Variants in HEATR5A observed in about 807,000 individuals in gnomAD.
HEATR5A encodes HEAT repeat-containing protein 5A.
HEATR5A carries 178 observed loss-of-function variants against 218.8 expected under a neutral mutation model. The observed-to-expected ratio is 0.81, with a 90% CI of 0.72 to 0.92. The LOEUF is 0.92. HEATR5A is among the 40% of genes least tolerant of loss of function. The probability of loss-of-function intolerance (pLI) is 0.00; values close to 1 mark genes in which losing one functional copy is unlikely to be tolerated. For synonymous variants in HEATR5A, 864 were observed against 871.6 expected, an observed-to-expected ratio of 0.99 and a Z score of 0.15; for missense variants, 2,420 against 2,418.9, an observed-to-expected ratio of 1.00 and a Z score of -0.01.
chr14:31,412,097 C>G (rs2031294466), intron 1 of HEATR5A, among the ~76,000 whole-genome samples: 3 of 152,068 alleles, frequency 2.0e-5, no homozygotes, highest in Non-Finnish European at 4.4e-5. Context: ...CTCAAGTGAT[C>G]TGCCCGTCTT....
Position 31,358,908 on chromosome 14 carries a change from A to C in HEATR5A, c.2221T>G (p.Phe741Val), listed in dbSNP as rs771503853. Residue 741 changes from phenylalanine to valine, a missense_variant, in exon 15 of 36, where the codon TTT (phenylalanine) becomes GTT (valine). Transcript: ENST00000543095. The stretch of plus-strand genomic sequence containing the variant: ...AATGGCCATACCTGTTCTTCAATAA[A>C]TCTATGGTCAGTCTCTTGTAGGAAA... ...SPFLQETDHR[F>V]IEEQLLLGNG... 75 of 1,596,076 alleles carry C rather than the reference A, an allele frequency of 4.7e-5. No individual in the cohort carries two copies. The highest frequency in any genetic ancestry group is 2.2e-4 in the Admixed American group (12 of 54,344).
intron 4 of HEATR5A, among the ~76,000 whole-genome samples, chr14:31,396,216 A>C (rs1322506883): frequency 6.6e-6 from 1 of 152,032 alleles, no homozygotes; most frequent in Non-Finnish European, 1.5e-5. Context: ...TTTAGTCAGG[A>C]GTGTTAGTGC....
At chr14:31,317,511 G>A (rs1007996415) in intron 26 of HEATR5A, among the ~76,000 whole-genome samples, 2 of 151,920 alleles carry the variant, frequency 1.3e-5, no homozygotes. Flanking sequence ...GGCCAGGCTG[G>A]TCTCTAACTC....
At chr14:31,415,031 G>T (rs1455739414) in intron 1 of HEATR5A, among the ~76,000 whole-genome samples, 5 of 152,060 alleles carry the variant, frequency 3.3e-5, no homozygotes, top group African/African-American at 1.2e-4. Flanking sequence ...GTAGAGACAG[G>T]GTTTCACCAT....
intron 10 of HEATR5A, among the ~76,000 whole-genome samples, chr14:31,382,812 A>G (rs1014474872): frequency 3.3e-5 from 5 of 150,180 alleles, no homozygotes; most frequent in Non-Finnish European, 7.4e-5. Context: ...GTCATTATTA[A>G]TTTTGATGTA....
At chr14:31,359,182 T>C (rs1485287626) in intron 14 of HEATR5A, 125 bp from the exon 15 acceptor site, 2 of 889,376 alleles carry the variant, frequency 2.2e-6, no homozygotes, top group African/African-American at 3.4e-5. Context: ...GCCAAAAGAC[T>C]GTATTTCTCA....
intron 9 of HEATR5A, 90 bp from the exon 10 acceptor site, chr14:31,383,861 T>C: frequency 1.1e-6 from 1 of 940,848 alleles, no homozygotes; most frequent in Non-Finnish European, 1.5e-6. Flanking sequence ...CACATGGATA[T>C]AAAATATATT....
At chr14:31,348,296 C>G (rs937493693) in intron 18 of HEATR5A, among the ~76,000 whole-genome samples, 6 of 152,084 alleles carry the variant, frequency 3.9e-5, no homozygotes, top group Non-Finnish European at 1.5e-5. Context: ...ATTAAATAGG[C>G]TAGGTGTGGT....
At chr14:31,415,905 AAAC>A (rs750246015) in intron 1 of HEATR5A, among the ~76,000 whole-genome samples, 2 of 152,136 alleles carry the variant, frequency 1.3e-5, no homozygotes, top group Non-Finnish European at 2.9e-5. Context: ...TACACACATA[AAAC>A]AACAATTTAG....
At chr14:31,331,112 TG>T (rs1222935996) in intron 22 of HEATR5A, among the ~76,000 whole-genome samples, 1 of 151,812 alleles carries the variant, frequency 6.6e-6, no homozygotes, top group Non-Finnish European at 1.5e-5. Flanking sequence ...GGCTAAGTTT[TG>T]TATTTTTAGT....
At chr14:31,375,958 C>T (rs1167890409) in intron 11 of HEATR5A, among the ~76,000 whole-genome samples, 2 of 152,156 alleles carry the variant, frequency 1.3e-5, no homozygotes, top group African/African-American at 2.4e-5. Flanking sequence ...TTAAACTTCT[C>T]CAGTAAGCGC....
intron 33 of HEATR5A, among the ~76,000 whole-genome samples, chr14:31,299,472 C>T (rs1899295135): frequency 6.6e-6 from 1 of 152,194 alleles, no homozygotes; most frequent in Non-Finnish European, 1.5e-5. Flanking sequence ...GTAATCCCAG[C>T]ACTTTGGGAG....
At chr14:31,301,983 C>A (rs1566746056) in intron 33 of HEATR5A, among the ~76,000 whole-genome samples, 1 of 151,322 alleles carries the variant, frequency 6.6e-6, no homozygotes, top group East Asian at 2.0e-4. Flanking sequence ...TAGGTATGTG[C>A]CACCAGAATC....
At chr14:31,325,804 C>CCACA in intron 23 of HEATR5A, 1 of 211,836 alleles carries the variant, frequency 4.7e-6, no homozygotes, top group Non-Finnish European at 9.4e-6. Flanking sequence ...GGGTAAGCCA[C>CCACA]CACACCTGGT....
intron 21 of HEATR5A, among the ~76,000 whole-genome samples, chr14:31,339,782 G>C (rs1900785510): frequency 6.6e-6 from 1 of 152,094 alleles, no homozygotes; most frequent in Non-Finnish European, 1.5e-5. Context: ...AGCAGGTTAG[G>C]ATAACAGAGA....
intron 11 of HEATR5A, among the ~76,000 whole-genome samples, chr14:31,377,422 A>AG (rs11398889): frequency 6.6e-6 from 1 of 152,030 alleles, no homozygotes; most frequent in Admixed American, 6.6e-5. Context: ...ATACCTAAAA[A>AG]AAAAACCTCA....
intron 1 of HEATR5A, among the ~76,000 whole-genome samples, chr14:31,417,762 A>G (rs1254716202): frequency 6.6e-6 from 1 of 151,956 alleles, no homozygotes; most frequent in Non-Finnish European, 1.5e-5. Flanking sequence ...AAAAAAAAAA[A>G]AAGGAGAGAG....
chr14:31,340,515 CA>C (rs751496602), intron 21 of HEATR5A: 65 of 1,247,684 alleles, frequency 5.2e-5, no homozygotes, highest in Middle Eastern at 2.2e-4. Flanking sequence ...ATGACAAAAC[CA>C]AAAGATAAAT....
At chr14:31,397,190 T>C (rs2030686895) in intron 4 of HEATR5A, among the ~76,000 whole-genome samples, 1 of 152,206 alleles carries the variant, frequency 6.6e-6, no homozygotes, top group Admixed American at 6.5e-5. Flanking sequence ...TATTTTTTAT[T>C]GGAATTTTCC....
Sources: gnomAD v4.1 joint callset for allele counts (sites outside exome capture counted in the v4.1 genomes callset) on GRCh38, gnomAD v4.1.1 for gene constraint, MANE v1.5 for transcripts, NCBI Gene and HGNC (gene_info 2026-07-23, HGNC 2026-07-21) for gene names.